The following ADAMTSL5 variants were observed in gnomAD, a reference collection of about 807,000 sequenced individuals.
The protein encoded by ADAMTSL5 is ADAMTS like 5.
A neutral mutation model predicts 51.7 loss-of-function variants in ADAMTSL5; 53 were observed. The observed-to-expected ratio is 1.03, with a 90% CI of 0.82 to 1.29. The LOEUF (loss-of-function observed/expected upper bound fraction) is 1.29. Ranked by LOEUF, ADAMTSL5 falls within the 50% of genes most tolerant of loss-of-function variation. The pLI is 0.00. For missense variants in ADAMTSL5, 770 were observed against 676.2 expected (o/e 1.14, Z -1.54); for synonymous variants, 285 against 278.7 (o/e 1.02, Z -0.23).
intron 2 of ADAMTSL5, 55 bp downstream of exon 2, chr19:1,510,790 G>T: frequency 6.6e-7 from 1 of 1,518,856 alleles, no homozygotes; most frequent in Non-Finnish European, 8.8e-7. Context: ...ACCCCACACT[G>T]CTGACTGGGT....
chr19:1,510,016 C>T, intron 5 of ADAMTSL5, 134 bp downstream of exon 5: 2 of 712,876 alleles, frequency 2.8e-6, no homozygotes, highest in South Asian at 2.0e-5. Flanking sequence ...TTCTGTTTCA[C>T]TAACTCCTAC....
At position 1,510,729 on chromosome 19, in the gene ADAMTSL5, C is replaced by T; in HGVS notation, c.101G>A (p.Gly34Asp). The T allele has an allele frequency of 2.6e-6, 4 of 1,537,102 alleles. No homozygotes were observed. The highest frequency in any genetic ancestry group is 1.2e-5 in the South Asian group (1 of 83,156). Residue 34 changes from glycine to aspartate, a missense_variant and splice_region_variant, in exon 3 of 12, where the codon GGT (glycine) becomes GAT (aspartate). Coordinates refer to ENST00000330475, the MANE Select transcript of ADAMTSL5 (RefSeq NM_213604.3). ...LNCGLGVSAQGPGEWTPWVSW... is the reference protein window; with the variant it reads ...LNCGLGVSAQDPGEWTPWVSW... ...CACCCACGGGGTCCACTCGCCCGGA[C>T]CCTACTTGGGGAGACAGAGGCACGG...
At chr19:1,509,770 C>T (rs1182980308) in intron 5 of ADAMTSL5, among the ~76,000 whole-genome samples, 1 of 152,180 alleles carries the variant, frequency 6.6e-6, no homozygotes, top group Non-Finnish European at 1.5e-5. Flanking sequence ...TCTGCCTTCC[C>T]CATGGCGTGT....
chr19:1,505,998 G>T lies in ADAMTSL5; in HGVS notation c.*17C>A, dbSNP rs572071034. On this transcript the variant is annotated 3_prime_UTR_variant, in exon 12 of 12. Coordinates refer to ENST00000330475, the MANE Select transcript of ADAMTSL5 (RefSeq NM_213604.3). ...TGTATCTTTCTTGCTGTGTGTGGCC[G>T]GGGCTCCTGCAGGGGCTCAGCCAGG... The T allele has an allele frequency of 3.3e-5, 50 of 1,525,674 alleles. 1 individual carries two copies. In the South Asian group the frequency reaches 5.9e-4, roughly 18 times the overall value. 94.5% of individuals were successfully genotyped at this position (1,525,674 alleles called of 1,614,324 possible).
At chr19:1,511,648 C>G in intron 1 of ADAMTSL5, 1 of 1,155,418 alleles carries the variant, frequency 8.7e-7, no homozygotes, top group Non-Finnish European at 1.2e-6. Flanking sequence ...CTGAGGCCAG[C>G]CACTCCACTC....
intron 8 of ADAMTSL5, 38 bp downstream of exon 8, chr19:1,507,519 G>T: frequency 6.2e-7 from 1 of 1,608,522 alleles, no homozygotes; most frequent in Non-Finnish European, 8.5e-7. Context: ...GCCCCCGGGT[G>T]CCCAGCCGGG....
rs760714997 is a variant in ADAMTSL5 at position 1,510,834 on chromosome 19, C to G, written c.99+11G>C. 6.6e-7 allele frequency: 1 copy of G among 1,524,402 alleles called. No homozygotes were observed. Among genetic ancestry groups the G allele is most frequent in the Non-Finnish European group, 8.8e-7 (1 of 1,139,996 alleles). The allele number at this position is 1,524,402 out of a possible 1,614,324, so 94.4% of individuals were successfully genotyped here. On this transcript the variant is annotated intron_variant, in intron 2 of 11. Coordinates refer to ENST00000330475, the MANE Select transcript of ADAMTSL5 (RefSeq NM_213604.3). ...CCACTCGCCACCCCCTGGGCTCATG[C>G]CCCCCCTTACCTGAGCACTGACCCC...
intron 6 of ADAMTSL5, 113 bp downstream of exon 6, chr19:1,508,330 G>C: frequency 1.5e-6 from 2 of 1,291,312 alleles, no homozygotes; most frequent in Admixed American, 2.9e-5. Flanking sequence ...GAAGGCGGTG[G>C]AGCCTAGGGA....
At chr19:1,507,113 C>CT (rs2145495291) in intron 9 of ADAMTSL5, 129 bp downstream of exon 9, 1 of 1,336,514 alleles carries the variant, frequency 7.5e-7, no homozygotes, top group East Asian at 2.5e-5. Flanking sequence ...TGCTCTGTCC[C>CT]AGCCTCTCCC....
At chr19:1,507,773 AC>A in intron 7 of ADAMTSL5, 130 bp from the exon 8 acceptor site, 1 of 1,052,360 alleles carries the variant, frequency 9.5e-7, no homozygotes, top group Non-Finnish European at 1.4e-6. Flanking sequence ...CCCTCCGTAA[AC>A]GTTTGGAGTT....
In ADAMTSL5 at chr19:1,510,595, C is replaced by T. The variant is rs1215860774; in HGVS notation, c.191+44G>A. 1.8e-5 allele frequency: 27 copies of T among 1,489,164 alleles called. No homozygotes were observed. The East Asian group carries it at 2.5e-4, about 14-fold the overall frequency. 92.2% of individuals were successfully genotyped at this position (1,489,164 alleles called of 1,614,324 possible). ...GGTGCGGCCAGGGGCCGGGCTGGGC[C>T]GGCGGGGGAGGAGGGGCAGGGACCC... On this transcript the variant is annotated intron_variant, in intron 3 of 11. Coordinates refer to ENST00000330475, the MANE Select transcript of ADAMTSL5 (RefSeq NM_213604.3).
Position 1,505,884 on chromosome 19 carries a change from G to A in ADAMTSL5, c.*131C>T. 1 of 1,196,526 alleles carries A rather than the reference G, an allele frequency of 8.4e-7. No individual in the cohort carries two copies. Among genetic ancestry groups the A allele is most frequent in the East Asian group, 2.7e-5 (1 of 36,998 alleles). 74.1% of individuals were successfully genotyped at this position (1,196,526 alleles called of 1,614,324 possible). A position where few individuals can be genotyped will look rare whatever the true frequency, so the allele number is the denominator to read the frequency against. ...GTGTCTTAAGCGTGTGTGGGAGGGAGTCACATAGCTGCACAGGTGGGACGT... is the reference window on the plus strand; with the variant it reads ...GTGTCTTAAGCGTGTGTGGGAGGGAATCACATAGCTGCACAGGTGGGACGT... On this transcript the variant is annotated 3_prime_UTR_variant, in exon 12 of 12. Transcript: ENST00000330475.
Position 1,512,993 on chromosome 19 carries a change from G to A in ADAMTSL5, c.-248C>T, listed in dbSNP as rs1913338645. 6.6e-6 allele frequency: 1 copy of A among 152,374 alleles called. No individual in the cohort carries two copies. Among genetic ancestry groups the A allele is most frequent in the South Asian group, 2.1e-4 (1 of 4,832 alleles). The allele number at this position is 152,374 out of a possible 1,614,324, so 9.4% of individuals were successfully genotyped here. On this transcript the variant is annotated 5_prime_UTR_variant, in exon 1 of 12. Transcript: ENST00000330475. ...GCGCGGAGCCCAGGCAGCGCGTCCC[G>A]GCTCCCTGAGCGGCCCCAGGGCGAG... is the stretch of plus-strand genomic sequence containing the variant.
At chr19:1,509,573 G>T (rs912127763) in intron 5 of ADAMTSL5, among the ~76,000 whole-genome samples, 1 of 145,034 alleles carries the variant, frequency 6.9e-6, no homozygotes, top group Admixed American at 7.0e-5. Context: ...CTCTGCGGGG[G>T]TGGGATCACA....
intron 5 of ADAMTSL5, 42 bp downstream of exon 5, chr19:1,510,108 C>T (rs764567400): frequency 1.5e-5 from 22 of 1,491,818 alleles, no homozygotes; most frequent in Middle Eastern, 1.7e-4. Context: ...ATGAGTTGTT[C>T]GCTCTGGACC....
At position 1,510,726 on chromosome 19, in the gene ADAMTSL5, G is replaced by C; in HGVS notation, c.104C>G (p.Pro35Arg). The C allele has an allele frequency of 6.5e-7, 1 of 1,537,252 alleles. No homozygotes were observed. Among genetic ancestry groups the C allele is most frequent in the South Asian group, 1.2e-5 (1 of 83,154 alleles). ...NCGLGVSAQG[P>R]GEWTPWVSWT... ...GGACACCCACGGGGTCCACTCGCCC[G>C]GACCCTACTTGGGGAGACAGAGGCA... The change falls in exon 3 of 12, where the codon CCG becomes CGG. Residue 35 changes from proline to arginine, a missense_variant. Physicochemically the swap from Pro to Arg is moderately radical, Grantham distance 103 (BLOSUM62 -2). Coordinates refer to ENST00000330475, the MANE Select transcript of ADAMTSL5 (RefSeq NM_213604.3).
At position 1,508,436 on chromosome 19, in the gene ADAMTSL5, T is replaced by TC. The variant is rs1327360691; in HGVS notation, c.489+6dup. 1 of 1,539,810 alleles carries TC rather than the reference T, an allele frequency of 6.5e-7. No homozygotes were observed. The highest frequency in any genetic ancestry group is 8.7e-7 in the Non-Finnish European group (1 of 1,148,738). On this transcript the variant is annotated splice_region_variant and intron_variant, in intron 6 of 11. Coordinates refer to ENST00000330475, the MANE Select transcript of ADAMTSL5 (RefSeq NM_213604.3). ...CGGGGCTCGGGCGGGGCCTGACGAG[T>TC]CCTTACAAGGCAGCGGCCAGCCACG...
intron 5 of ADAMTSL5, among the ~76,000 whole-genome samples, chr19:1,509,857 A>G (rs1419624125): frequency 6.6e-6 from 1 of 152,124 alleles, no homozygotes; most frequent in East Asian, 1.9e-4. Flanking sequence ...TTTTCAGCTC[A>G]ATGCAGCAAC....
chr19:1,510,396 G>C lies in ADAMTSL5; in HGVS notation c.224C>G (p.Ser75Cys), dbSNP rs1227600571. The C allele has an allele frequency of 6.2e-7, 1 of 1,612,936 alleles. No homozygotes were observed. The highest frequency in any genetic ancestry group is 8.5e-7 in the Non-Finnish European group (1 of 1,179,844). Residue 75 changes from serine (S) to cysteine (C), a missense_variant, in exon 4 of 12, where the codon TCC becomes TGC. Ser to Cys is a moderately radical substitution (Grantham distance 112). Transcript: ENST00000330475. ...LPGEEPCWGD[S>C]HEYRLCQLPD... is the part of the protein sequence containing the mutation. ...CAACTGGCAGAGGCGGTACTCATGG[G>C]AGTCTCCCCAGCACGGTTCTTCCCC... is the stretch of plus-strand genomic sequence containing the variant.
Sources: gnomAD v4.1 joint callset for allele counts (sites outside exome capture counted in the v4.1 genomes callset) on GRCh38, gnomAD v4.1.1 for gene constraint, MANE v1.5 for transcripts, NCBI Gene and HGNC (gene_info 2026-07-23, HGNC 2026-07-21) for gene names.